The following TOP3B variants were observed in gnomAD, a reference collection of about 807,000 sequenced individuals.
TOP3B encodes the protein DNA topoisomerase III beta, also known as DNA topoisomerase 3-beta-1.
TOP3B carries 45 observed loss-of-function variants against 93.9 expected under a neutral mutation model. The observed-to-expected ratio is 0.48, with a 90% confidence interval of 0.38 to 0.61. The LOEUF is 0.61. TOP3B is among the 20% of genes least tolerant of loss of function. TOP3B has a pLI of 0.00. For missense variants in TOP3B, 750 were observed against 1,156.1 expected, an observed-to-expected ratio of 0.65 and a Z score of 5.09; for synonymous variants, 357 against 472.6, an observed-to-expected ratio of 0.76 and a Z score of 3.17.
At chr22:21,959,440 G>A in intron 15 of TOP3B, 147 bp downstream of exon 15, 1 of 1,502,500 alleles carries the variant, frequency 6.7e-7, no homozygotes. Context: ...TTTCAACCCA[G>A]CCAGGAGGTG....
chr22:21,978,305 C>T (rs1569159963), intron 1 of TOP3B, among the ~76,000 whole-genome samples: 1 of 151,944 alleles, frequency 6.6e-6, no homozygotes, highest in South Asian at 2.1e-4. Context: ...CTCACACCTG[C>T]CATGGGCTCA....
At position 21,963,997 on chromosome 22, in the gene TOP3B, C is replaced by A. The variant is rs114729996; in HGVS notation, c.1130G>T (p.Arg377Leu). Residue 377 changes from arginine to leucine, a missense_variant, in exon 11 of 18, where the codon CGC becomes CTC. Around this residue, in one of 4 missense-constraint regions of TOP3B, gnomAD observed 737 missense variants for 933.7 expected, o/e 0.79. Coordinates refer to ENST00000357179, the MANE Select transcript of TOP3B (RefSeq NM_001282112.2). The surrounding 1 kb of genome is among the most constrained non-coding windows in gnomAD (Gnocchi z 4.8). ...VKRLLAEGINRPRKGHDAGDH... is the reference protein window; with the variant it reads ...VKRLLAEGINLPRKGHDAGDH... ...GCCGGCGTCATGGCCTTTCCGCGGG[C>A]GGTTGATACCTTCTGCTAACAACCG... 1.2e-6 allele frequency: 2 copies of A among 1,610,778 alleles called. No individual in the cohort carries two copies. The highest frequency in any genetic ancestry group is 1.7e-6 in the Non-Finnish European group (2 of 1,178,866).
intron 1 of TOP3B, chr22:21,977,588 C>T (rs183595978): frequency 6.8e-6 from 1 of 146,780 alleles, no homozygotes; most frequent in Admixed American, 6.8e-5. Flanking sequence ...TTTGTGGTAT[C>T]ACATCATGTC....
rs747166317 is a variant in TOP3B at position 21,964,318 on chromosome 22, G to A, written c.944-3C>T. On this transcript the variant is annotated splice_region_variant and splice_polypyrimidine_tract_variant and intron_variant, in intron 9 of 17. Coordinates refer to ENST00000357179, the MANE Select transcript of TOP3B (RefSeq NM_001282112.2). ...CATGGCGTGCTGCGGCCCCATGCCTGCGAGAGACAGGAGGTTCTCAGAGGG... is the reference window on the plus strand; with the variant it reads ...CATGGCGTGCTGCGGCCCCATGCCTACGAGAGACAGGAGGTTCTCAGAGGG... 20 of 1,613,140 alleles carry A rather than the reference G, an allele frequency of 1.2e-5. No homozygotes were observed. In the Admixed American group the frequency reaches 3.2e-4, roughly 26 times the overall value.
At chr22:21,960,478 G>A in intron 13 of TOP3B, 29 bp from the exon 14 acceptor site, 1 of 1,611,734 alleles carries the variant, frequency 6.2e-7, no homozygotes. Flanking sequence ...CAGGGTTCCT[G>A]GCCTGCCTTG....
At chr22:21,977,739 G>C (rs1400058850) in intron 1 of TOP3B, 2 of 152,076 alleles carry the variant, frequency 1.3e-5, no homozygotes, top group Non-Finnish European at 2.9e-5. Flanking sequence ...AGCAATTCAG[G>C]GATCCCTCTC....
At position 21,971,824 on chromosome 22, in the gene TOP3B, G is replaced by A. The variant is rs937259159; in HGVS notation, c.384+53C>T. The A allele has an allele frequency of 1.3e-6, 2 of 1,548,754 alleles. No individual in the cohort carries two copies. The highest frequency in any genetic ancestry group is 1.4e-5 in the African/African-American group (1 of 73,534). On this transcript the variant is annotated intron_variant, in intron 5 of 17. Transcript: ENST00000357179. This position sits in a 1 kb window ranked among gnomAD's most constrained non-coding sequence, Gnocchi z 4.6. Reference sequence around the variant, plus strand: ...GTGACTGACTGCTGGTGTCAGTTTGGGGCTGGTGTCAGAAAGGCCAAAAGT... The same window carrying A: ...GTGACTGACTGCTGGTGTCAGTTTGAGGCTGGTGTCAGAAAGGCCAAAAGT...
intron 2 of TOP3B, 161 bp from the exon 3 acceptor site, chr22:21,974,649 G>A (rs1165010546): frequency 1.4e-6 from 1 of 735,044 alleles, no homozygotes; most frequent in African/African-American, 1.8e-5. Flanking sequence ...TGGGCACTGA[G>A]AGGTGGGACG....
chr22:21,975,268 CA>C (rs1391360286), intron 2 of TOP3B: 6 of 179,688 alleles, frequency 3.3e-5, no homozygotes, highest in Non-Finnish European at 4.7e-5. Context: ...TGGGAGTATC[CA>C]GGGGTGACAA....
chr22:21,974,176 G>C (rs1260228634), intron 3 of TOP3B, 181 bp downstream of exon 3: 3 of 684,932 alleles, frequency 4.4e-6, no homozygotes, highest in African/African-American at 3.7e-5. Context: ...CTGAGTTCCA[G>C]AGCCTGGGTT....
Position 21,962,567 on chromosome 22 carries a change from G to C in TOP3B, c.1387C>G (p.Leu463Val), listed in dbSNP as rs761584844. ...TGGCAAGTGGGCAGGCTCTCCTCCAGGGGCACGCTCTGCCAGGGCATGACC... is the reference window on the plus strand; with the variant it reads ...TGGCAAGTGGGCAGGCTCTCCTCCACGGGCACGCTCTGCCAGGGCATGACC... ...TEVMPWQSVP[L>V]EESLPTCQRG... The change falls in exon 13 of 18, where the codon CTG becomes GTG. Residue 463 changes from leucine to valine, a missense_variant. Leu to Val is a conservative substitution (Grantham distance 32). Transcript: ENST00000357179. The C allele has an allele frequency of 1.9e-6, 3 of 1,613,554 alleles. No homozygotes were observed. The South Asian group carries it at 3.3e-5, about 18-fold the overall frequency.
Position 21,962,900 on chromosome 22 carries a change from C to T in TOP3B, c.1205-7G>A. ...AGCCGCCACGCGTCACCCCCTGCAA[C>T]AGGCCAGGGCTAGTCAGTTGGGAGC... On this transcript the variant is annotated splice_region_variant and splice_polypyrimidine_tract_variant and intron_variant, in intron 11 of 17. Transcript: ENST00000357179. 1 of 1,610,118 alleles carries T rather than the reference C, an allele frequency of 6.2e-7. No homozygotes were observed. The highest frequency in any genetic ancestry group is 1.7e-5 in the Admixed American group (1 of 59,956).
chr22:21,962,965 C>T (rs239914), intron 11 of TOP3B, 72 bp from the exon 12 acceptor site: 260,246 of 1,564,946 alleles, frequency 0.17, 23,112 homozygotes, highest in African/African-American at 0.24. Flanking sequence ...CCAGTACTCT[C>T]GCTCGAGCAG....
In TOP3B at chr22:21,967,636, A is replaced by G. The variant is rs1306454042; in HGVS notation, c.819T>C (p.Phe273=). 1 of 1,614,160 alleles carries G rather than the reference A, an allele frequency of 6.2e-7. No homozygotes were observed. The highest frequency in any genetic ancestry group is 2.2e-5 in the East Asian group (1 of 44,890). ...CCTTCTCCAGCTTTGTCATGTTTAA[A>G]AACATCTGTGCGATCTCCCGGTCAA... ...RVFDREIAQM[F]LNMTKLEKEA... Residue 273 remains phenylalanine (F), a synonymous_variant, in exon 8 of 18, where the codon TTT becomes TTC. Transcript: ENST00000357179.
At chr22:21,962,341 C>G in intron 13 of TOP3B, 88 bp downstream of exon 13, 5 of 1,603,264 alleles carry the variant, frequency 3.1e-6, no homozygotes, top group Non-Finnish European at 4.2e-6. Flanking sequence ...GCTGGGCACA[C>G]AGGGCTGGCG....
Position 21,971,860 on chromosome 22 carries a change from G to C in TOP3B, c.384+17C>G. 6.2e-7 allele frequency: 1 copy of C among 1,613,468 alleles called. No homozygotes were observed. Among genetic ancestry groups the C allele is most frequent in the Non-Finnish European group, 8.5e-7 (1 of 1,179,426 alleles). On this transcript the variant is annotated intron_variant, in intron 5 of 17. Transcript: ENST00000357179. This position sits in a 1 kb window ranked among gnomAD's most constrained non-coding sequence, Gnocchi z 4.6. Reference sequence around the variant, plus strand: ...AGAAAGGCCAAAAGTGAGGAACAAAGTGAGCCTCACACTCACCTCAAAGCA... The same window carrying C: ...AGAAAGGCCAAAAGTGAGGAACAAACTGAGCCTCACACTCACCTCAAAGCA...
chr22:21,975,530 C>A, intron 2 of TOP3B, 110 bp downstream of exon 2: 1 of 1,274,042 alleles, frequency 7.8e-7, no homozygotes, highest in East Asian at 2.7e-5. Context: ...TACCACCTGC[C>A]GACCCGAACC....
chr22:21,979,786 T>A lies in TOP3B; in HGVS notation c.-99+2944A>T, dbSNP rs190067501. Among the ~76,000 whole-genome samples, 1,448 of 146,218 alleles carry A rather than the reference T, an allele frequency of 9.9e-3. 13 individuals are homozygous for A. The highest frequency in any genetic ancestry group is 0.016 in the Non-Finnish European group (1,095 of 67,770). On this transcript the variant is annotated intron_variant, in intron 1 of 17. Coordinates refer to ENST00000357179, the MANE Select transcript of TOP3B (RefSeq NM_001282112.2). ...GAAACCCCGTCTCTACTAAAAATACTAAAAATTAGCTGGGCATGGTGGCAG... is the reference window on the plus strand; with the variant it reads ...GAAACCCCGTCTCTACTAAAAATACAAAAAATTAGCTGGGCATGGTGGCAG...
At chr22:21,981,527 C>T (rs753246548) in intron 1 of TOP3B, among the ~76,000 whole-genome samples, 5 of 152,150 alleles carry the variant, frequency 3.3e-5, no homozygotes, top group African/African-American at 4.8e-5. Flanking sequence ...TGCATTCTCA[C>T]GGTAAATAGA....
Sources: gnomAD v4.1 joint callset for allele counts (sites outside exome capture counted in the v4.1 genomes callset) on GRCh38, gnomAD v4.1.1 for gene constraint, gnomAD v4.1.1 regional missense constraint, Gnocchi (gnomAD v3.1) non-coding constraint, MANE v1.5 for transcripts, NCBI Gene and HGNC (gene_info 2026-07-23, HGNC 2026-07-21) for gene names.